SMG6: variants seen among roughly 807,000 people sequenced by gnomAD.
SMG6 encodes telomerase-binding protein EST1A.
In SMG6, 66 loss-of-function variants were observed where a neutral mutation model predicts 142.2. The ratio of observed to expected loss-of-function variants is 0.46; its 90% CI spans 0.38 to 0.57. SMG6 has a LOEUF of 0.57. Ranked by LOEUF, SMG6 falls within the 20% of genes least tolerant of loss-of-function variation. SMG6 has a pLI of 0.00. For missense variants in SMG6, 1,793 were observed against 1,832.0 expected, an observed-to-expected ratio of 0.98 and a Z score of 0.39; for synonymous variants, 779 against 702.4, an observed-to-expected ratio of 1.11 and a Z score of -1.72.
intron 8 of SMG6, among the ~76,000 whole-genome samples, chr17:2,245,197 C>T (rs1909461431): frequency 1.3e-5 from 2 of 152,186 alleles, no homozygotes; most frequent in Admixed American, 1.3e-4. Flanking sequence ...CACTAACTAG[C>T]TCATCAAATT....
In SMG6 at chr17:2,292,861, G is replaced by A; in HGVS notation, c.2258+10C>T. On this transcript the variant is annotated intron_variant, in intron 5 of 18. Transcript: ENST00000263073. ...AGGGAAGAGAAATAACGAAGCAGAG[G>A]TAAAAGTACCTGCGTGCTTTCCCAT... The A allele has an allele frequency of 1.9e-6, 3 of 1,610,130 alleles. No homozygotes were observed. Among genetic ancestry groups the A allele is most frequent in the Non-Finnish European group, 2.6e-6 (3 of 1,176,376 alleles).
At chr17:2,125,605 C>A (rs552667098) in intron 13 of SMG6, among the ~76,000 whole-genome samples, 1 of 152,288 alleles carries the variant, frequency 6.6e-6, no homozygotes, top group African/African-American at 2.4e-5. Context: ...CAATGCAGTT[C>A]CTATCAAAAT....
rs753902636 is a variant in SMG6, at chr17:2,300,210, C to G, written c.543G>C (p.Glu181Asp). Residue 181 changes from glutamate to aspartate, a missense_variant, in exon 2 of 19, where the codon GAG becomes GAC. Transcript: ENST00000263073. ...QVEQLRVEED[E>D]CRGNVAKEEV... Reference sequence around the variant, plus strand: ...CCTCCTTCGCAACATTTCCCCTACACTCATCTTCCTCTACTCTCAGTTGTT... The same window carrying G: ...CCTCCTTCGCAACATTTCCCCTACAGTCATCTTCCTCTACTCTCAGTTGTT... 2 of 1,614,186 alleles carry G rather than the reference C, an allele frequency of 1.2e-6. No individual in the cohort carries two copies. The highest frequency in any genetic ancestry group is 1.7e-6 in the Non-Finnish European group (2 of 1,180,042).
chr17:2,154,608 GAGCAAA>G (rs1451564928), intron 13 of SMG6, among the ~76,000 whole-genome samples: 1 of 152,126 alleles, frequency 6.6e-6, no homozygotes, highest in Non-Finnish European at 1.5e-5. Context: ...TTCTCCAAAA[GAGCAAA>G]GTGTATATTC....
chr17:2,217,112 A>G (rs1006465307), intron 10 of SMG6, among the ~76,000 whole-genome samples: 5 of 152,232 alleles, frequency 3.3e-5, no homozygotes, highest in Admixed American at 3.3e-4. Flanking sequence ...ACGTAGAAAC[A>G]GGTTTGGAAA....
intron 10 of SMG6, among the ~76,000 whole-genome samples, chr17:2,192,536 C>A (rs572670858): frequency 6.6e-6 from 1 of 152,186 alleles, no homozygotes; most frequent in Admixed American, 6.5e-5. Flanking sequence ...TGGAGAAAAA[C>A]GCAGGCAAGA....
chr17:2,084,498 G>A (rs963430080), intron 14 of SMG6, among the ~76,000 whole-genome samples: 16 of 152,186 alleles, frequency 1.1e-4, no homozygotes, highest in Non-Finnish European at 2.2e-4. Flanking sequence ...TTATTCTAAT[G>A]AAGCCAGTCC....
At chr17:2,079,243 C>T (rs955589887) in intron 15 of SMG6, among the ~76,000 whole-genome samples, 2 of 152,330 alleles carry the variant, frequency 1.3e-5, no homozygotes, top group African/African-American at 4.8e-5. Flanking sequence ...GCATTATAGG[C>T]GTGAGCCACC....
chr17:2,092,769 G>A (rs1329713367), intron 13 of SMG6, among the ~76,000 whole-genome samples: 1 of 152,256 alleles, frequency 6.6e-6, no homozygotes, highest in Admixed American at 6.5e-5. Flanking sequence ...ACAGGAGGTT[G>A]GACAAGAGCC....
At chr17:2,186,891 G>A in intron 11 of SMG6, 60 bp from the exon 12 acceptor site, 1 of 1,569,674 alleles carries the variant, frequency 6.4e-7, no homozygotes, top group Non-Finnish European at 8.7e-7. Flanking sequence ...AGTGAGGCCT[G>A]GGGCGCTGGG....
chr17:2,288,723 G>C (rs959216417), intron 6 of SMG6, among the ~76,000 whole-genome samples: 1 of 151,602 alleles, frequency 6.6e-6, no homozygotes, highest in African/African-American at 2.4e-5. Context: ...AGGAGCTCAG[G>C]AGTTCAAGAC....
rs2068530342 is a variant in SMG6, at chr17:2,085,354, T to C, written c.3534+371A>G. Among the ~76,000 whole-genome samples the C allele has an allele frequency of 1.3e-5, 2 of 152,194 alleles. No individual in the cohort carries two copies. Among genetic ancestry groups the C allele is most frequent in the African/African-American group, 4.8e-5 (2 of 41,442 alleles). The stretch of plus-strand genomic sequence containing the variant: ...ATGTCAGCTCTTCCTGTACGTGTGC[T>C]GGAGGCTGGAGTTCAGGCCTGTGCT... On this transcript the variant is annotated intron_variant, in intron 14 of 18. Coordinates refer to ENST00000263073, the MANE Select transcript of SMG6 (RefSeq NM_017575.5). This position sits in a 1 kb window ranked among gnomAD's most constrained non-coding sequence, Gnocchi z 4.1.
chr17:2,183,506 T>C (rs914315557), intron 12 of SMG6, among the ~76,000 whole-genome samples: 4 of 152,130 alleles, frequency 2.6e-5, no homozygotes, highest in African/African-American at 9.7e-5. Context: ...GTGTGAACCA[T>C]ACAGCCTGTG....
At chr17:2,273,179 A>G (rs925730397) in intron 8 of SMG6, among the ~76,000 whole-genome samples, 3 of 152,156 alleles carry the variant, frequency 2.0e-5, no homozygotes, top group Admixed American at 6.5e-5. Flanking sequence ...TTAATAATAT[A>G]TATTAAATAA....
chr17:2,161,366 A>G (rs1382263621), intron 13 of SMG6, among the ~76,000 whole-genome samples: 1 of 151,892 alleles, frequency 6.6e-6, no homozygotes, highest in East Asian at 1.9e-4. Flanking sequence ...CGGCCTCTCA[A>G]AGTGCTAGGA....
chr17:2,240,263 G>A (rs780708256), intron 9 of SMG6: 7 of 152,130 alleles, frequency 4.6e-5, no homozygotes, highest in Non-Finnish European at 1.0e-4. Context: ...AGACAACACC[G>A]GGACCTAGGC....
In SMG6 at chr17:2,061,208, TG is replaced by T. The variant is rs2067764617; in HGVS notation, c.*283del. The T allele has an allele frequency of 2.7e-6, 1 of 368,130 alleles. No homozygotes were observed. The highest frequency in any genetic ancestry group is 2.1e-5 in the African/African-American group (1 of 48,044). 22.8% of individuals were successfully genotyped at this position (368,130 alleles called of 1,614,324 possible). A position where few individuals can be genotyped will look rare whatever the true frequency, so the allele number is the denominator to read the frequency against. On this transcript the variant is annotated 3_prime_UTR_variant, in exon 19 of 19. Transcript: ENST00000263073. ...GGGGGAGGGAGAAAGGCTGAGAGCATGGGCGGCCTATCTGGCTTGCCCAGCT... is the reference window on the plus strand; with the variant it reads ...GGGGGAGGGAGAAAGGCTGAGAGCATGGCGGCCTATCTGGCTTGCCCAGCT...
chr17:2,106,635 C>A (rs1014340492), intron 13 of SMG6, among the ~76,000 whole-genome samples: 1 of 151,926 alleles, frequency 6.6e-6, no homozygotes, highest in African/African-American at 2.4e-5. Context: ...CAGACCCAGC[C>A]GATTATGAGA....
At chr17:2,150,197 T>C (rs902945745) in intron 13 of SMG6, among the ~76,000 whole-genome samples, 3 of 152,198 alleles carry the variant, frequency 2.0e-5, no homozygotes, top group Admixed American at 1.3e-4. Flanking sequence ...AACCCTATTG[T>C]GAACCACACG....
Sources: allele counts gnomAD v4.1 joint callset (sites outside exome capture counted in the v4.1 genomes callset), GRCh38; gene constraint gnomAD v4.1.1; non-coding constraint Gnocchi (gnomAD v3.1); transcripts MANE v1.5; gene names NCBI Gene and HGNC (gene_info 2026-07-23, HGNC 2026-07-21).